BABAM1: variants seen among roughly 807,000 people sequenced by gnomAD.
BABAM1 encodes the protein BRISC and BRCA1-A complex member 1.
BABAM1 carries 14 observed loss-of-function variants against 34.4 expected under a neutral mutation model. The ratio of observed to expected loss-of-function variants is 0.41; its 90% confidence interval spans 0.27 to 0.64. BABAM1 has a LOEUF of 0.64. BABAM1 is among the 30% of genes least tolerant of loss of function. The pLI, the probability that BABAM1 is intolerant of heterozygous loss-of-function variation, is 0.34. For missense variants in BABAM1, 393 were observed against 434.0 expected (o/e 0.91, Z 0.84); for synonymous variants, 169 against 165.8 (o/e 1.02, Z -0.15).
rs778959392 is a variant in BABAM1 at position 17,268,780 on chromosome 19, C to G, written c.-13-14C>G. 2 of 1,570,840 alleles carry G rather than the reference C, an allele frequency of 1.3e-6. No homozygotes were observed. The highest frequency in any genetic ancestry group is 2.7e-5 in the African/African-American group (2 of 73,792). On this transcript the variant is annotated splice_polypyrimidine_tract_variant and intron_variant, in intron 1 of 8. Transcript: ENST00000598188. ...GGGGAGGATTCTGGCTTCCCCTGTC[C>G]GTGTTCCATCTAGCCACACAGGAGC...
rs1167754133 is a variant in BABAM1 at position 17,279,129 on chromosome 19, A to G, written c.*81A>G. The G allele has an allele frequency of 1.4e-6, 2 of 1,454,470 alleles. No individual in the cohort carries two copies. The highest frequency in any genetic ancestry group is 1.9e-6 in the Non-Finnish European group (2 of 1,075,236). The allele number at this position is 1,454,470 out of a possible 1,614,324, so 90.1% of individuals were successfully genotyped here. A position where few individuals can be genotyped will look rare whatever the true frequency, so the allele number is the denominator to read the frequency against. On this transcript the variant is annotated 3_prime_UTR_variant, in exon 9 of 9. Coordinates refer to ENST00000598188, the MANE Select transcript of BABAM1 (RefSeq NM_014173.4). ...TGGTTCTCAAACTGGGTTCCTTGGG[A>G]CCTCCGGGGTGGGGGGGTTCCAGGA...
intron 6 of BABAM1, 125 bp downstream of exon 6, chr19:17,275,950 C>T (rs1270280867): frequency 1.1e-5 from 12 of 1,055,900 alleles, no homozygotes; most frequent in South Asian, 5.3e-5. Flanking sequence ...TACCTCGCCC[C>T]GAGCAATTCC....
At chr19:17,267,913 C>G (rs1046418906) in intron 1 of BABAM1, among the ~76,000 whole-genome samples, 1 of 151,966 alleles carries the variant, frequency 6.6e-6, no homozygotes, top group Non-Finnish European at 1.5e-5. Context: ...AACAGAAAAC[C>G]CTACTCAATC....
At chr19:17,267,686 C>G (rs1419574569) in intron 1 of BABAM1, among the ~76,000 whole-genome samples, 159 bp downstream of exon 1, 2 of 152,224 alleles carry the variant, frequency 1.3e-5, no homozygotes, top group East Asian at 3.9e-4. Flanking sequence ...CCTTGTTTTT[C>G]TTAGAGGTGT....
chr19:17,270,830 G>T (rs951689620), intron 2 of BABAM1, among the ~76,000 whole-genome samples: 10 of 152,024 alleles, frequency 6.6e-5, no homozygotes, highest in African/African-American at 2.2e-4. Context: ...TGGGACTACA[G>T]GCGCCCGCCA....
intron 2 of BABAM1, among the ~76,000 whole-genome samples, chr19:17,269,774 G>C (rs2073817052): frequency 6.6e-6 from 1 of 151,302 alleles, no homozygotes; most frequent in Non-Finnish European, 1.5e-5. Flanking sequence ...CTGTCACCCA[G>C]GCTGGAGTGC....
chr19:17,268,711 G>A (rs914715420), intron 1 of BABAM1, 83 bp from the exon 2 acceptor site: 8 of 1,403,306 alleles, frequency 5.7e-6, no homozygotes, highest in African/African-American at 2.9e-5. Flanking sequence ...TTACAGGCAT[G>A]AGCCACCGTG....
intron 6 of BABAM1, 97 bp downstream of exon 6, chr19:17,275,922 T>A: frequency 7.3e-7 from 1 of 1,375,504 alleles, no homozygotes. Flanking sequence ...TAGGGAGCCT[T>A]AAAGCCTCCT....
intron 8 of BABAM1, 81 bp downstream of exon 8, chr19:17,276,990 C>G: frequency 7.5e-7 from 1 of 1,326,466 alleles, no homozygotes; most frequent in African/African-American, 1.5e-5. Context: ...GTCTGGGGGT[C>G]TCTACCTCCA....
chr19:17,273,929 T>G lies in BABAM1; in HGVS notation c.370T>G (p.Ser124Ala), dbSNP rs199652487. The part of the protein sequence containing the change: ...NGSKTNALNV[S>A]QKMIEMFVRT... The stretch of plus-strand genomic sequence containing the variant: ...CTCCAAAACCAACGCCCTCAATGTC[T>G]CCCAGAAGATGATTGAGATGTTCGT... Residue 124 changes from serine to alanine, a missense_variant, in exon 4 of 9, where the codon TCC becomes GCC. Coordinates refer to ENST00000598188, the MANE Select transcript of BABAM1 (RefSeq NM_014173.4). The G allele has an allele frequency of 6.2e-7, 1 of 1,613,362 alleles. No homozygotes were observed. Among genetic ancestry groups the G allele is most frequent in the Non-Finnish European group, 8.5e-7 (1 of 1,179,696 alleles).
chr19:17,268,485 C>A, intron 1 of BABAM1: 1 of 180,540 alleles, frequency 5.5e-6, no homozygotes, highest in Non-Finnish European at 1.1e-5. Context: ...GGATGGAGTG[C>A]AGTGGCGGGA....
intron 2 of BABAM1, 106 bp downstream of exon 2, chr19:17,269,197 T>A: frequency 7.6e-7 from 1 of 1,315,328 alleles, no homozygotes; most frequent in Non-Finnish European, 1.0e-6. Flanking sequence ...TACCTGTGGC[T>A]GCCACAAGTC....
Position 17,276,559 on chromosome 19 carries a change from C to T in BABAM1, c.634C>T (p.Arg212Cys), listed in dbSNP as rs754753033. ...VQTIPPPYVV[R>C]TILVYSRPPC... Reference sequence around the variant, plus strand: ...GACGATTCCCCCGCCATATGTGGTCCGCACCATCCTTGTCTACAGCCGTCC... The same window carrying T: ...GACGATTCCCCCGCCATATGTGGTCTGCACCATCCTTGTCTACAGCCGTCC... The change falls in exon 7 of 9, where the codon CGC (arginine) becomes TGC (cysteine). Residue 212 changes from arginine to cysteine, a missense_variant. Coordinates refer to ENST00000598188, the MANE Select transcript of BABAM1 (RefSeq NM_014173.4). The T allele has an allele frequency of 1.2e-5, 19 of 1,605,482 alleles. No individual in the cohort carries two copies. The highest frequency in any genetic ancestry group is 6.8e-5 in the Admixed American group (4 of 58,914).
At position 17,268,930 on chromosome 19, in the gene BABAM1, C is replaced by T; in HGVS notation, c.124C>T (p.Gln42Ter). 1.3e-6 allele frequency: 2 copies of T among 1,577,634 alleles called. No homozygotes were observed. Among genetic ancestry groups the T allele is most frequent in the African/African-American group, 1.3e-5 (1 of 74,082 alleles). Residue 42 changes from glutamine to a stop codon, truncating the protein, a stop_gained, in exon 2 of 9, where the codon CAG becomes TAG. Coordinates refer to ENST00000598188, the MANE Select transcript of BABAM1 (RefSeq NM_014173.4). LOFTEE classifies it high-confidence loss of function. ...EGAEDRAVGA[Q>*]ASVGSRSEGE... ...GGCTGAGGACCGGGCAGTAGGGGCA[C>T]AGGCCAGCGTGGGCAGCCGCAGCGA...
chr19:17,273,564 G>GTTTTGTTTTT (rs1555716590), intron 3 of BABAM1, among the ~76,000 whole-genome samples: 2 of 45,926 alleles, frequency 4.4e-5, no homozygotes, highest in African/African-American at 1.3e-4. Context: ...TGTTTGTTTT[G>GTTTTGTTTTT]TTTTTTTTTT....
At chr19:17,270,981 C>G (rs554692675) in intron 2 of BABAM1, among the ~76,000 whole-genome samples, 8 of 151,314 alleles carry the variant, frequency 5.3e-5, no homozygotes, top group African/African-American at 1.7e-4. Context: ...TGAGCCACCA[C>G]GCCTGGCCTC....
At chr19:17,277,921 A>AGG in intron 8 of BABAM1, among the ~76,000 whole-genome samples, 1 of 151,346 alleles carries the variant, frequency 6.6e-6, no homozygotes, top group East Asian at 2.0e-4. Flanking sequence ...TCACACCTGT[A>AGG]ATCCCAGCAC....
chr19:17,270,831 G>A (rs1157287018), intron 2 of BABAM1, among the ~76,000 whole-genome samples: 2 of 151,956 alleles, frequency 1.3e-5, no homozygotes, highest in Non-Finnish European at 2.9e-5. Flanking sequence ...GGGACTACAG[G>A]CGCCCGCCAC....
chr19:17,271,971 C>T (rs749784257), intron 3 of BABAM1, among the ~76,000 whole-genome samples: 1 of 152,134 alleles, frequency 6.6e-6, no homozygotes, highest in Non-Finnish European at 1.5e-5. Flanking sequence ...GACAGGGTGT[C>T]GCTCTCTTGC....
Sources: allele counts gnomAD v4.1 joint callset (sites outside exome capture counted in the v4.1 genomes callset), GRCh38; gene constraint gnomAD v4.1.1; transcripts MANE v1.5; gene names NCBI Gene and HGNC (gene_info 2026-07-23, HGNC 2026-07-21).